Variants in FOXP2 observed in about 807,000 individuals in gnomAD.
The protein encoded by FOXP2 is forkhead box protein P2.
Under a neutral mutation model 115.8 loss-of-function variants are expected in FOXP2, and 12 were observed. The observed-to-expected ratio is 0.10, with a 90% confidence interval of 0.07 to 0.17. The LOEUF (loss-of-function observed/expected upper bound fraction) is 0.17. FOXP2 is among the 10% of genes least tolerant of loss of function. FOXP2 has a pLI of 1.00. For synonymous variants in FOXP2, 328 were observed against 297.7 expected, an observed-to-expected ratio of 1.10 and a Z score of -1.05; for missense variants, 629 against 843.5, an observed-to-expected ratio of 0.75 and a Z score of 3.15.
At chr7:114,232,347 T>C (rs1268052569) in intron 1 of FOXP2, among the ~76,000 whole-genome samples, 1 of 152,162 alleles carries the variant, frequency 6.6e-6, no homozygotes, top group Non-Finnish European at 1.5e-5. Context: ...TTGTGATCCA[T>C]CAATCCTACT....
chr7:114,613,000 C>CACA (rs1803715295), intron 3 of FOXP2, among the ~76,000 whole-genome samples: 5 of 152,064 alleles, frequency 3.3e-5, no homozygotes, highest in African/African-American at 1.2e-4. Context: ...GTTACTTTGT[C>CACA]AGTGGTTTTA....
At chr7:114,560,255 A>C (rs922364688) in intron 3 of FOXP2, among the ~76,000 whole-genome samples, 8 of 152,126 alleles carry the variant, frequency 5.3e-5, no homozygotes, top group African/African-American at 1.9e-4. Context: ...TGCTTTGTAC[A>C]ATGTAAAGTC....
chr7:114,506,732 T>C (rs1797835260), intron 2 of FOXP2, among the ~76,000 whole-genome samples: 3 of 151,746 alleles, frequency 2.0e-5, no homozygotes, highest in African/African-American at 7.2e-5. Flanking sequence ...TATAATATTG[T>C]TTCAAATATT....
intron 2 of FOXP2, among the ~76,000 whole-genome samples, chr7:114,351,129 G>A (rs1017255386): frequency 1.3e-5 from 2 of 152,114 alleles, no homozygotes; most frequent in Non-Finnish European, 2.9e-5. Context: ...CATAAGTGCA[G>A]AACCCATGGA....
At chr7:114,512,486 G>A (rs1047374907) in intron 2 of FOXP2, among the ~76,000 whole-genome samples, 2 of 152,148 alleles carry the variant, frequency 1.3e-5, no homozygotes, top group Non-Finnish European at 2.9e-5. Context: ...AACAGAGTGG[G>A]ATGGAAGTGG....
chr7:114,381,355 C>T (rs2396726), intron 2 of FOXP2, among the ~76,000 whole-genome samples: 67,143 of 151,942 alleles, frequency 0.44, 16,309 homozygotes, highest in East Asian at 0.62. Context: ...CTTGATGGCA[C>T]AAGATTTCTG....
intron 16 of FOXP2, among the ~76,000 whole-genome samples, chr7:114,677,805 C>T (rs1330854325): frequency 6.6e-6 from 1 of 152,164 alleles, no homozygotes; most frequent in Admixed American, 6.5e-5. Flanking sequence ...TCAACTGCTA[C>T]TTTGCAATGT....
At chr7:114,527,690 A>G (rs930369791) in intron 2 of FOXP2, among the ~76,000 whole-genome samples, 12 of 151,968 alleles carry the variant, frequency 7.9e-5, no homozygotes, top group South Asian at 4.1e-4. Flanking sequence ...CTTCTCTCCA[A>G]AGGCTGTGTT....
chr7:114,420,991 G>C (rs979721370), intron 1 of FOXP2, among the ~76,000 whole-genome samples: 1 of 151,532 alleles, frequency 6.6e-6, no homozygotes. Flanking sequence ...ATATAATTTT[G>C]AAATATATTT....
intron 3 of FOXP2, among the ~76,000 whole-genome samples, chr7:114,567,788 T>C (rs889528277): frequency 5.3e-5 from 8 of 152,040 alleles, no homozygotes; most frequent in African/African-American, 1.9e-4. Context: ...CAGAGTTTTA[T>C]TGCATCTCTT....
intron 2 of FOXP2, among the ~76,000 whole-genome samples, chr7:114,340,007 A>G (rs1335967339): frequency 2.6e-5 from 4 of 151,310 alleles, no homozygotes; most frequent in Admixed American, 6.6e-5. Flanking sequence ...TTAAAAAAGG[A>G]GTCATTTTCA....
intron 3 of FOXP2, among the ~76,000 whole-genome samples, chr7:114,625,228 G>A (rs1190793486): frequency 1.3e-5 from 2 of 151,572 alleles, no homozygotes; most frequent in Non-Finnish European, 1.5e-5. Flanking sequence ...AATTTTAACT[G>A]ATAAATACCC....
chr7:114,597,995 C>T (rs1291292935), intron 3 of FOXP2, among the ~76,000 whole-genome samples: 1 of 152,080 alleles, frequency 6.6e-6, no homozygotes, highest in African/African-American at 2.4e-5. Context: ...ACTAACACTA[C>T]TTCATATTCT....
rs545001809 is a variant in FOXP2 at position 114,535,962 on chromosome 7, C to G, written c.258+1256C>G. ...TTAACTAATGAATAATTCTGTGTCA[C>G]TTTCCTCACCATCATATTCTTCCCC... On this transcript the variant is annotated intron_variant, in intron 3 of 16. Coordinates refer to ENST00000350908, the MANE Select transcript of FOXP2 (RefSeq NM_014491.4). Among the ~76,000 whole-genome samples, 3 of 151,694 alleles carry G rather than the reference C, an allele frequency of 2.0e-5. No individual in the cohort carries two copies. The East Asian group carries it at 5.8e-4, about 29-fold the overall frequency.
intron 2 of FOXP2, among the ~76,000 whole-genome samples, chr7:114,324,902 CT>C (rs1797519735): frequency 6.6e-6 from 1 of 151,462 alleles, no homozygotes; most frequent in African/African-American, 2.4e-5. Context: ...GATAAATGTT[CT>C]TTTTAATTTT....
intron 1 of FOXP2, among the ~76,000 whole-genome samples, chr7:114,112,408 C>T (rs1258678726): frequency 6.6e-6 from 1 of 152,058 alleles, no homozygotes; most frequent in Non-Finnish European, 1.5e-5. Flanking sequence ...AGCAATTCTC[C>T]AGCCTCAGCC....
chr7:114,517,696 A>C (rs1440512672), intron 2 of FOXP2, among the ~76,000 whole-genome samples: 1 of 152,032 alleles, frequency 6.6e-6, no homozygotes, highest in Non-Finnish European at 1.5e-5. Context: ...GTCTGTTTTT[A>C]TGCCAGTATC....
chr7:114,518,920 T>G (rs1798477497), intron 2 of FOXP2, among the ~76,000 whole-genome samples: 1 of 152,196 alleles, frequency 6.6e-6, no homozygotes, highest in South Asian at 2.1e-4. Context: ...ATCATACTGT[T>G]ATTTGTCAGT....
chr7:114,368,847 A>C (rs1175987805), intron 2 of FOXP2, among the ~76,000 whole-genome samples: 1 of 152,250 alleles, frequency 6.6e-6, no homozygotes, highest in East Asian at 1.9e-4. Flanking sequence ...TATAATTGAC[A>C]ACAATATTAC....
Sources: allele counts gnomAD v4.1 joint callset (sites outside exome capture counted in the v4.1 genomes callset), GRCh38; gene constraint gnomAD v4.1.1; transcripts MANE v1.5; gene names NCBI Gene and HGNC (gene_info 2026-07-23, HGNC 2026-07-21).